TDRD1: variants seen among roughly 807,000 people sequenced by gnomAD.
TDRD1 encodes the protein tudor domain containing 1, also known as tudor domain-containing protein 1.
In TDRD1, 37 loss-of-function variants were observed where a neutral mutation model predicts 140.6. The observed-to-expected ratio is 0.26, with a 90% confidence interval of 0.20 to 0.35. The LOEUF (loss-of-function observed/expected upper bound fraction) is 0.35. Ranked by LOEUF, TDRD1 falls within the 10% of genes least tolerant of loss-of-function variation. The pLI is 1.00. For synonymous variants in TDRD1, 506 were observed against 475.7 expected (o/e 1.06, Z -0.83); for missense variants, 1,243 against 1,393.0 (o/e 0.89, Z 1.71).
chr10:114,215,255 T>C (rs893313068), intron 16 of TDRD1, among the ~76,000 whole-genome samples: 1 of 152,228 alleles, frequency 6.6e-6, no homozygotes, highest in Non-Finnish European at 1.5e-5. Flanking sequence ...TGTATCTTAT[T>C]TTTCCTTGCT....
chr10:114,222,635 G>A, exon 21 of TDRD1: 1 of 1,613,470 alleles, frequency 6.2e-7, no homozygotes, highest in Non-Finnish European at 8.5e-7. Context: ...TTAGAATACT[G>A]CAATGCTCCG....
exon 8 of TDRD1, chr10:114,203,479 G>T (rs2132979205): frequency 6.2e-7 from 1 of 1,613,912 alleles, no homozygotes; most frequent in East Asian, 2.2e-5. Flanking sequence ...CTCTCTGCCA[G>T]CTTAAAAGAA....
intron 15 of TDRD1, 44 bp downstream of exon 15, chr10:114,213,632 A>G (rs2035627260): frequency 1.9e-6 from 3 of 1,558,412 alleles, no homozygotes; most frequent in South Asian, 1.2e-5. Flanking sequence ...TGGAGTTCAG[A>G]TGGTTCTATA....
At chr10:114,210,521 A>T (rs980944018) in intron 11 of TDRD1, 60 bp from the exon 12 acceptor site, 18 of 1,372,564 alleles carry the variant, frequency 1.3e-5, no homozygotes, top group Admixed American at 7.5e-5. Flanking sequence ...AGCGTGCATA[A>T]TTTTTTTTTT....
chr10:114,224,330 G>A (rs905456994), intron 21 of TDRD1, among the ~76,000 whole-genome samples: 6 of 152,152 alleles, frequency 3.9e-5, no homozygotes, highest in East Asian at 1.9e-4. Flanking sequence ...TGTTTTTTCC[G>A]CCTTTCTGGA....
At chr10:114,190,825 T>G in intron 2 of TDRD1, 136 bp from the exon 3 acceptor site, 1 of 791,124 alleles carries the variant, frequency 1.3e-6, no homozygotes. Context: ...AGGATGTTGC[T>G]TATGTTCTGG....
At chr10:114,231,757 G>T (rs1052139088) in exon 26 of TDRD1, 27 of 477,922 alleles carry the variant, frequency 5.6e-5, no homozygotes, top group African/African-American at 5.5e-4. Flanking sequence ...GGAATACATA[G>T]GGACTTTCTG....
At chr10:114,210,916 C>G (rs201263506) in exon 13 of TDRD1, 1 of 1,614,138 alleles carries the variant, frequency 6.2e-7, no homozygotes, top group African/African-American at 1.3e-5. Context: ...GTTGCCTCCA[C>G]GCTCTGATTT....
At chr10:114,204,607 C>T (rs2034981012) in intron 9 of TDRD1, 115 bp from the exon 10 acceptor site, 2 of 1,068,216 alleles carry the variant, frequency 1.9e-6, no homozygotes, top group South Asian at 3.5e-5. Context: ...CTGATTAGTA[C>T]TTGAAGATTT....
At chr10:114,228,002 A>G (rs753915882) in intron 24 of TDRD1, 36 bp from the exon 25 acceptor site, 2 of 1,611,336 alleles carry the variant, frequency 1.2e-6, no homozygotes, top group Admixed American at 3.4e-5. Flanking sequence ...TAACGTTTTT[A>G]GAAATTAAAT....
intron 3 of TDRD1, among the ~76,000 whole-genome samples, chr10:114,191,511 C>A (rs1314339671): frequency 6.6e-6 from 1 of 152,142 alleles, no homozygotes; most frequent in Non-Finnish European, 1.5e-5. Flanking sequence ...TGGCTTTTGT[C>A]ATTTCACATA....
chr10:114,186,247 A>G (rs531068261), intron 1 of TDRD1, among the ~76,000 whole-genome samples: 9 of 150,604 alleles, frequency 6.0e-5, no homozygotes, highest in Non-Finnish European at 1.0e-4. Flanking sequence ...CCCAACCACC[A>G]CCTGATTCCC....
chr10:114,213,277 GGAA>G, intron 14 of TDRD1, 66 bp from the exon 15 acceptor site: 1 of 1,462,936 alleles, frequency 6.8e-7, no homozygotes, highest in Non-Finnish European at 9.3e-7. Flanking sequence ...TTACCTTGGG[GGAA>G]ATTAGGAGCT....
At chr10:114,181,749 G>A (rs2033085071) in intron 1 of TDRD1, among the ~76,000 whole-genome samples, 1 of 151,908 alleles carries the variant, frequency 6.6e-6, no homozygotes, top group Admixed American at 6.6e-5. Flanking sequence ...GGAGGCTGGG[G>A]CAGGAGAATT....
chr10:114,220,778 A>G (rs1462510083), exon 19 of TDRD1: 1 of 1,611,500 alleles, frequency 6.2e-7, no homozygotes, highest in Admixed American at 1.7e-5. Context: ...TCACCACATA[A>G]AGACTTACCA....
At chr10:114,220,970 T>C (rs1353877530) in intron 19 of TDRD1, 127 bp downstream of exon 19, 4 of 625,358 alleles carry the variant, frequency 6.4e-6, no homozygotes, top group Non-Finnish European at 8.3e-6. Context: ...GATTAGTAGG[T>C]TAATATTGTA....
chr10:114,220,481 C>A, intron 18 of TDRD1, 87 bp from the exon 19 acceptor site: 1 of 884,132 alleles, frequency 1.1e-6, no homozygotes, highest in Non-Finnish European at 1.8e-6. Context: ...TGAAAGTAAA[C>A]TTGGCAAAGA....
intron 16 of TDRD1, among the ~76,000 whole-genome samples, chr10:114,214,793 A>G (rs1249972937): frequency 6.7e-6 from 1 of 149,890 alleles, no homozygotes; most frequent in Admixed American, 6.7e-5. Flanking sequence ...GCCTGAGTGC[A>G]GTGGCACAGT....
At chr10:114,210,054 C>T (rs2035383013) in intron 11 of TDRD1, among the ~76,000 whole-genome samples, 1 of 152,172 alleles carries the variant, frequency 6.6e-6, no homozygotes, top group Admixed American at 6.5e-5. Flanking sequence ...GCCTTTCCTT[C>T]TTAAACTCTT....
Sources: allele counts gnomAD v4.1 joint callset (sites outside exome capture counted in the v4.1 genomes callset), GRCh38; gene constraint gnomAD v4.1.1; transcripts MANE v1.5; gene names NCBI Gene and HGNC (gene_info 2026-07-23, HGNC 2026-07-21).